The following ANKS1B variants were observed in gnomAD, a reference collection of about 807,000 sequenced individuals.
ANKS1B encodes the protein ankyrin repeat and sterile alpha motif domain-containing protein 1B.
Under a neutral mutation model 148.3 loss-of-function variants are expected in ANKS1B, and 36 were observed. That is an observed-to-expected ratio of 0.24 (90% CI 0.19 to 0.32). The LOEUF (loss-of-function observed/expected upper bound fraction) is 0.32, where lower values mean the gene tolerates loss of function less well. Ranked by LOEUF, ANKS1B falls within the 10% of genes least tolerant of loss-of-function variation. The pLI, the probability that ANKS1B is intolerant of heterozygous loss-of-function variation, is 1.00. For synonymous variants in ANKS1B, 542 were observed against 560.8 expected (o/e 0.97, Z 0.47); for missense variants, 1,157 against 1,542.6 (o/e 0.75, Z 4.19).
intron 9 of ANKS1B, among the ~76,000 whole-genome samples, chr12:99,551,116 G>A (rs989518966): frequency 5.3e-5 from 8 of 152,002 alleles, no homozygotes; most frequent in Non-Finnish European, 1.2e-4. Context: ...AACAAATATG[G>A]AATCAAGAAA....
At chr12:99,234,922 C>T (rs545427730) in intron 14 of ANKS1B, among the ~76,000 whole-genome samples, 96 of 152,212 alleles carry the variant, frequency 6.3e-4, no homozygotes, top group Non-Finnish European at 1.1e-3. Context: ...TCACAACTAG[C>T]CTAATGGCCA....
At chr12:98,990,207 T>G (rs1189493119) in intron 17 of ANKS1B, among the ~76,000 whole-genome samples, 1 of 152,176 alleles carries the variant, frequency 6.6e-6, no homozygotes, top group Non-Finnish European at 1.5e-5. Context: ...TTTTATGGTT[T>G]TTGGTGCAGA....
intron 8 of ANKS1B, among the ~76,000 whole-genome samples, chr12:99,735,827 A>ATATCCCTG (rs2059569964): frequency 6.6e-6 from 1 of 151,432 alleles, no homozygotes; most frequent in South Asian, 2.1e-4. Flanking sequence ...AAAAAAAAGA[A>ATATCCCTG]TATCCCTGAA....
chr12:99,376,914 G>T (rs2093412541), intron 12 of ANKS1B, among the ~76,000 whole-genome samples: 1 of 151,812 alleles, frequency 6.6e-6, no homozygotes, highest in South Asian at 2.1e-4. Context: ...TTAAATCATG[G>T]ATACATTGAT....
At chr12:99,976,316 T>C (rs2095628393) in intron 1 of ANKS1B, among the ~76,000 whole-genome samples, 1 of 152,224 alleles carries the variant, frequency 6.6e-6, no homozygotes, top group Admixed American at 6.5e-5. Flanking sequence ...CTAATCTACA[T>C]ACATACTTCC....
At chr12:99,058,369 T>C (rs2041030903) in intron 16 of ANKS1B, among the ~76,000 whole-genome samples, 1 of 151,188 alleles carries the variant, frequency 6.6e-6, no homozygotes, top group Non-Finnish European at 1.5e-5. Context: ...TCGGCTTCCC[T>C]AGTAGCTGGG....
intron 14 of ANKS1B, among the ~76,000 whole-genome samples, chr12:99,207,326 TAA>T (rs1187381545): frequency 3.9e-5 from 6 of 152,150 alleles, no homozygotes; most frequent in Admixed American, 1.3e-4. Context: ...TGTCATAGTT[TAA>T]AAAGTCTTTT....
At chr12:99,567,987 A>G (rs2097414650) in intron 9 of ANKS1B, among the ~76,000 whole-genome samples, 1 of 152,122 alleles carries the variant, frequency 6.6e-6, no homozygotes, top group South Asian at 2.1e-4. Flanking sequence ...AACAAGGACA[A>G]TTTATTATTT....
rs1199935662 is a variant in ANKS1B, at chr12:98,798,935, C to T, written c.3341G>A (p.Arg1114Gln). The T allele has an allele frequency of 1.9e-6, 3 of 1,609,912 alleles. No individual in the cohort carries two copies. The highest frequency in any genetic ancestry group is 2.2e-5 in the East Asian group (1 of 44,662). ...AATAAAGTAGTTTGGCAGACTTACC[C>T]GCATTTTTGCACAAGCATCTTGGGT... The part of the protein sequence containing the change: ...ESTQDACAKM[R>Q]ANCQKSTEQM... Residue 1114 changes from arginine (R) to glutamine (Q), a missense_variant and splice_region_variant, in exon 22 of 27, where the codon CGG becomes CAG. By Grantham distance (43) the Arg-to-Gln change is conservative (BLOSUM62 1). Around this residue, in one of 6 missense-constraint regions of ANKS1B, gnomAD observed 258 missense variants for 497.0 expected, o/e 0.52. Coordinates refer to ENST00000683438, the MANE Select transcript of ANKS1B (RefSeq NM_001352186.2).
At chr12:99,680,147 G>C (rs2098605683) in intron 8 of ANKS1B, among the ~76,000 whole-genome samples, 1 of 152,094 alleles carries the variant, frequency 6.6e-6, no homozygotes. Context: ...AAATACAAAA[G>C]TAGAAGAAGC....
At chr12:99,793,275 A>G (rs1457744675) in intron 4 of ANKS1B, among the ~76,000 whole-genome samples, 1 of 152,130 alleles carries the variant, frequency 6.6e-6, no homozygotes, top group Non-Finnish European at 1.5e-5. Context: ...AAAGCAATCT[A>G]CAGATTCAAT....
At chr12:99,672,936 C>T in intron 8 of ANKS1B, among the ~76,000 whole-genome samples, 1 of 152,024 alleles carries the variant, frequency 6.6e-6, no homozygotes, top group East Asian at 1.9e-4. Context: ...GAAAAGAATA[C>T]ATTATGAAAT....
chr12:98,951,909 G>A (rs2153080028), intron 17 of ANKS1B, among the ~76,000 whole-genome samples: 1 of 152,086 alleles, frequency 6.6e-6, no homozygotes, highest in South Asian at 2.1e-4. Flanking sequence ...TTCATCACAG[G>A]GCCTTTGTTG....
At chr12:99,569,282 C>G (rs776745743) in intron 9 of ANKS1B, among the ~76,000 whole-genome samples, 10 of 152,098 alleles carry the variant, frequency 6.6e-5, no homozygotes, top group Non-Finnish European at 1.2e-4. Context: ...AGCAGTGTAG[C>G]GAGAGGCTGG....
intron 8 of ANKS1B, among the ~76,000 whole-genome samples, chr12:99,732,695 C>G (rs2059278693): frequency 6.6e-6 from 1 of 152,116 alleles, no homozygotes; most frequent in Non-Finnish European, 1.5e-5. Flanking sequence ...TTTTCAAACT[C>G]ACCCAAATGA....
intron 17 of ANKS1B, among the ~76,000 whole-genome samples, chr12:98,889,556 A>T (rs556133465): frequency 6.6e-6 from 1 of 152,314 alleles, no homozygotes; most frequent in Non-Finnish European, 1.5e-5. Flanking sequence ...CATGTTGCCA[A>T]GACTGGTTTC....
intron 22 of ANKS1B, among the ~76,000 whole-genome samples, chr12:98,784,639 T>A (rs1026188232): frequency 1.3e-5 from 2 of 152,044 alleles, no homozygotes; most frequent in Admixed American, 1.3e-4. Context: ...TGGATGCCAG[T>A]TAAAGGAAGC....
chr12:99,114,901 A>G (rs1222204343), intron 15 of ANKS1B, among the ~76,000 whole-genome samples: 1 of 152,144 alleles, frequency 6.6e-6, no homozygotes, highest in Non-Finnish European at 1.5e-5. Flanking sequence ...TCATTAGAGA[A>G]AATGCAAATC....
chr12:99,287,533 A>C (rs1042030109), intron 12 of ANKS1B, among the ~76,000 whole-genome samples: 1 of 152,206 alleles, frequency 6.6e-6, no homozygotes, highest in East Asian at 1.9e-4. Flanking sequence ...AAGACCATTC[A>C]GGAAAACATG....
Sources: allele counts gnomAD v4.1 joint callset (sites outside exome capture counted in the v4.1 genomes callset), GRCh38; gene constraint gnomAD v4.1.1; regional missense constraint gnomAD v4.1.1; transcripts MANE v1.5; gene names NCBI Gene and HGNC (gene_info 2026-07-23, HGNC 2026-07-21).